MYO1G: variants seen among roughly 807,000 people sequenced by gnomAD.
MYO1G encodes the protein myosin IG, also known as unconventional myosin-Ig.
Under a neutral mutation model 115.3 loss-of-function variants are expected in MYO1G, and 65 were observed. That is an observed-to-expected ratio of 0.56 (90% CI 0.46 to 0.69). The LOEUF is 0.69. Ranked by LOEUF, MYO1G falls within the 30% of genes least tolerant of loss-of-function variation. The probability of loss-of-function intolerance (pLI) is 0.00; values close to 1 mark genes in which losing one functional copy is unlikely to be tolerated. For synonymous variants in MYO1G, 510 were observed against 552.6 expected (o/e 0.92, Z 1.08); for missense variants, 1,204 against 1,393.5 (o/e 0.86, Z 2.16).
chr7:44,964,095 T>C lies in MYO1G; in HGVS notation c.2699A>G (p.Asp900Gly). The change falls in exon 20 of 22, where the codon GAC becomes GGC. Residue 900 changes from aspartate (D) to glycine (G), a missense_variant. By Grantham distance (94) the Asp-to-Gly change is moderately conservative. Transcript: ENST00000258787. This position sits in a 1 kb window ranked among gnomAD's most constrained non-coding sequence, Gnocchi z 5.1. ...CATCACCCGGTACTGCCGGTCAGGGTCCAGCTTGTAGAGGTGCTGGTCTGT... is the reference window on the plus strand; with the variant it reads ...CATCACCCGGTACTGCCGGTCAGGGCCCAGCTTGTAGAGGTGCTGGTCTGT... ...LLTDQHLYKL[D>G]PDRQYRVMRA... The C allele has an allele frequency of 1.2e-6, 2 of 1,606,848 alleles. No individual in the cohort carries two copies. The highest frequency in any genetic ancestry group is 1.7e-6 in the Non-Finnish European group (2 of 1,176,892).
In MYO1G at chr7:44,964,353, A is replaced by G; in HGVS notation, c.2631+62T>C. On this transcript the variant is annotated intron_variant, in intron 19 of 21. Transcript: ENST00000258787. This position sits in a 1 kb window ranked among gnomAD's most constrained non-coding sequence, Gnocchi z 5.1. Reference sequence around the variant, plus strand: ...CCCCAAAACTCTGCACCAGCTTCTAACCTTGCAGACGTGGCTAGAAAAAGA... The same window carrying G: ...CCCCAAAACTCTGCACCAGCTTCTAGCCTTGCAGACGTGGCTAGAAAAAGA... 6.6e-7 allele frequency: 1 copy of G among 1,511,752 alleles called. No individual in the cohort carries two copies. The allele number at this position is 1,511,752 out of a possible 1,614,324, so 93.6% of individuals were successfully genotyped here.
At chr7:44,967,234 G>A (rs1794863303) in intron 14 of MYO1G, among the ~76,000 whole-genome samples, 2 of 152,234 alleles carry the variant, frequency 1.3e-5, no homozygotes, top group African/African-American at 4.8e-5. Context: ...CCCCAAGAAA[G>A]CTTGTGCCAG....
Position 44,962,789 on chromosome 7 carries a change from C to T in MYO1G, c.3007G>A (p.Asp1003Asn), listed in dbSNP as rs200958914. The change falls in exon 22 of 22, where the codon GAT becomes AAT. Residue 1003 changes from aspartate (D) to asparagine (N), a missense_variant. Coordinates refer to ENST00000258787, the MANE Select transcript of MYO1G (RefSeq NM_033054.3). The surrounding 1 kb of genome is among the most constrained non-coding windows in gnomAD (Gnocchi z 5.3). ...VEPRPEQPEP[D>N]FRCARGSFTL... The stretch of plus-strand genomic sequence containing the variant: ...AAGGAGCCGCGAGCGCAGCGGAAAT[C>T]GGGCTCTGGCTGCTCCGGCCTGGGC... The T allele has an allele frequency of 1.3e-6, 2 of 1,507,012 alleles. No individual in the cohort carries two copies. Among genetic ancestry groups the T allele is most frequent in the Non-Finnish European group, 1.8e-6 (2 of 1,134,904 alleles). 93.4% of individuals were successfully genotyped at this position (1,507,012 alleles called of 1,614,324 possible).
Position 44,970,754 on chromosome 7 carries a change from C to T in MYO1G, c.1072-17G>A, listed in dbSNP as rs771847318. On this transcript the variant is annotated splice_polypyrimidine_tract_variant and intron_variant, in intron 8 of 21. Coordinates refer to ENST00000258787, the MANE Select transcript of MYO1G (RefSeq NM_033054.3). ...GTACACTGCCTGGGGGATAGGAACA[C>T]CCTGCTTCCTGCTGCCTCTGGCCTG... 4 of 1,613,716 alleles carry T rather than the reference C, an allele frequency of 2.5e-6. No individual in the cohort carries two copies. Among genetic ancestry groups the T allele is most frequent in the Non-Finnish European group, 3.4e-6 (4 of 1,179,884 alleles).
chr7:44,975,619 A>G lies in MYO1G; in HGVS notation c.429T>C (p.Cys143=), dbSNP rs752001879. 3 of 1,613,364 alleles carry G rather than the reference A, an allele frequency of 1.9e-6. No homozygotes were observed. Among genetic ancestry groups the G allele is most frequent in the Non-Finnish European group, 1.7e-6 (2 of 1,179,512 alleles). ...RVKDVLLKST[C]VLEAFGNART... ...GGGCATTGCCAAAGGCCTCCAGCAC[A>G]CAGGTGGACTTGAGCAGCACGTCCT... Residue 143 remains cysteine, a synonymous_variant, in exon 4 of 22, where the codon TGT becomes TGC. Transcript: ENST00000258787.
chr7:44,971,436 G>T (rs1794956148), intron 7 of MYO1G, among the ~76,000 whole-genome samples: 1 of 152,216 alleles, frequency 6.6e-6, no homozygotes, highest in African/African-American at 2.4e-5. Context: ...GCACTAAGAG[G>T]CAGTCTGCAT....
intron 1 of MYO1G, 49 bp downstream of exon 1, chr7:44,978,818 G>A (rs776082012): frequency 1.9e-6 from 3 of 1,556,414 alleles, no homozygotes; most frequent in Non-Finnish European, 2.7e-6. Context: ...AGGACGCAAG[G>A]TGGGAGACCC....
rs539338501 is a variant in MYO1G at position 44,977,175 on chromosome 7, C to T, written c.96-104G>A. On this transcript the variant is annotated intron_variant, in intron 1 of 21. Coordinates refer to ENST00000258787, the MANE Select transcript of MYO1G (RefSeq NM_033054.3). ...GCCTGGCCCCAGTAGGCCAGCGCTC[C>T]CACCCTGACGGGCTGAGAGTGGAGA... The T allele has an allele frequency of 3.0e-4, 322 of 1,074,414 alleles. 5 individuals are homozygous for T. In the South Asian group the frequency reaches 4.5e-3, roughly 15 times the overall value. The allele number at this position is 1,074,414 out of a possible 1,614,324, so 66.6% of individuals were successfully genotyped here.
Position 44,970,822 on chromosome 7 carries a change from G to A in MYO1G, c.1071+13C>T. On this transcript the variant is annotated intron_variant, in intron 8 of 21. Transcript: ENST00000258787. ...CTCCTGGGCTTCCCTCCCTGTGCCTGCCCCCAAAGTACCTTGGCACAGGCA... is the reference window on the plus strand; with the variant it reads ...CTCCTGGGCTTCCCTCCCTGTGCCTACCCCCAAAGTACCTTGGCACAGGCA... 1.2e-6 allele frequency: 2 copies of A among 1,613,552 alleles called. No homozygotes were observed. Among genetic ancestry groups the A allele is most frequent in the Non-Finnish European group, 1.7e-6 (2 of 1,179,958 alleles).
rs1403568272 is a variant in MYO1G at position 44,976,972 on chromosome 7, C to T, written c.195G>A (p.Arg65=). 1.2e-6 allele frequency: 2 copies of T among 1,613,686 alleles called. No individual in the cohort carries two copies. Among genetic ancestry groups the T allele is most frequent in the Admixed American group, 1.7e-5 (1 of 60,030 alleles). ...LPLYGPEAIA[R]YQGRELYERP... ...GCTCATAGAGCTCACGGCCCTGGTA[C>T]CTGGCGATGGCCTCAGGCCCATACA... The change falls in exon 2 of 22, where the codon AGG becomes AGA. Residue 65 remains arginine, a synonymous_variant. Transcript: ENST00000258787.
intron 2 of MYO1G, 64 bp from the exon 3 acceptor site, chr7:44,976,721 C>T: frequency 6.3e-7 from 1 of 1,597,224 alleles, no homozygotes; most frequent in Non-Finnish European, 8.6e-7. Flanking sequence ...GCTCCCTGTG[C>T]CCACTCACAC....
chr7:44,977,234 C>T (rs1016724384), intron 1 of MYO1G, among the ~76,000 whole-genome samples, 163 bp from the exon 2 acceptor site: 1 of 152,218 alleles, frequency 6.6e-6, no homozygotes, highest in Non-Finnish European at 1.5e-5. Context: ...CCTTGCGTCT[C>T]CCTGGTGCCA....
intron 17 of MYO1G, 66 bp downstream of exon 17, chr7:44,965,571 G>T: frequency 6.7e-7 from 1 of 1,483,922 alleles, no homozygotes. Context: ...GCAGGCCCGG[G>T]ATGATGGGTT....
intron 3 of MYO1G, 144 bp from the exon 4 acceptor site, chr7:44,975,793 C>T: frequency 1.1e-6 from 1 of 933,622 alleles, no homozygotes. Flanking sequence ...AATGGCCTGG[C>T]CTCGCCCAGT....
intron 1 of MYO1G, 25 bp downstream of exon 1, chr7:44,978,842 C>T: frequency 5.0e-6 from 8 of 1,599,442 alleles, no homozygotes; most frequent in Non-Finnish European, 6.9e-6. Flanking sequence ...AGGAGGGGAG[C>T]CACTGCCTCC....
chr7:44,962,962 G>T lies in MYO1G; in HGVS notation c.2900+8C>A. 1.3e-6 allele frequency: 2 copies of T among 1,529,688 alleles called. No homozygotes were observed. The allele number at this position is 1,529,688 out of a possible 1,614,324, so 94.8% of individuals were successfully genotyped here. A position where few individuals can be genotyped will look rare whatever the true frequency, so the allele number is the denominator to read the frequency against. On this transcript the variant is annotated splice_region_variant and intron_variant, in intron 21 of 21. Transcript: ENST00000258787. This position sits in a 1 kb window ranked among gnomAD's most constrained non-coding sequence, Gnocchi z 5.3. ...CTTCGTGCCCGCTACCGCCCAGCCT[G>T]CACTCACCCCTGGCAGTGTGCGGCC...
intron 9 of MYO1G, 112 bp downstream of exon 9, chr7:44,970,480 G>A: frequency 7.0e-7 from 1 of 1,432,080 alleles, no homozygotes; most frequent in Non-Finnish European, 9.5e-7. Context: ...CCAGGGACCA[G>A]CCGGGAGAAA....
Position 44,967,922 on chromosome 7 carries a change from A to G in MYO1G, c.1611T>C (p.Asp537=). ...SVEGFIDKNR[D]FLFQDFKRLL... ...GCCGCTTGAAGTCCTGGAAGAGGAAATCTCTGTTCTTGTCGATGAAGCCTT... is the reference window on the plus strand; with the variant it reads ...GCCGCTTGAAGTCCTGGAAGAGGAAGTCTCTGTTCTTGTCGATGAAGCCTT... Residue 537 remains aspartate, a synonymous_variant, in exon 13 of 22, where the codon GAT becomes GAC. Coordinates refer to ENST00000258787, the MANE Select transcript of MYO1G (RefSeq NM_033054.3). The G allele has an allele frequency of 6.2e-7, 1 of 1,614,004 alleles. No homozygotes were observed. Among genetic ancestry groups the G allele is most frequent in the South Asian group, 1.1e-5 (1 of 91,080 alleles).
Position 44,966,577 on chromosome 7 carries a change from T to C in MYO1G, c.1949+95A>G. On this transcript the variant is annotated intron_variant, in intron 15 of 21. Transcript: ENST00000258787. The surrounding 1 kb of genome is among the most constrained non-coding windows in gnomAD (Gnocchi z 5.0). ...GTGCTGGTTCCTGCTTGTATCGATG[T>C]TTGCGACGTGCTGTTTGGGGACCCT... 1 of 1,480,286 alleles carries C rather than the reference T, an allele frequency of 6.8e-7. No homozygotes were observed. Among genetic ancestry groups the C allele is most frequent in the Non-Finnish European group, 9.4e-7 (1 of 1,065,172 alleles). The allele number at this position is 1,480,286 out of a possible 1,614,324, so 91.7% of individuals were successfully genotyped here.
Sources: allele counts gnomAD v4.1 joint callset (sites outside exome capture counted in the v4.1 genomes callset), GRCh38; gene constraint gnomAD v4.1.1; non-coding constraint Gnocchi (gnomAD v3.1); transcripts MANE v1.5; gene names NCBI Gene and HGNC (gene_info 2026-07-23, HGNC 2026-07-21).